Variants in FRMD1 observed in about 807,000 individuals in gnomAD.
The protein encoded by FRMD1 is FERM domain containing 1, also known as FERM domain-containing protein 1.
In FRMD1, 51 loss-of-function variants were observed where a neutral mutation model predicts 54.9. The ratio of observed to expected loss-of-function variants is 0.93; its 90% confidence interval spans 0.74 to 1.17. The LOEUF (loss-of-function observed/expected upper bound fraction) is 1.17. Ranked by LOEUF, FRMD1 falls within the 50% of genes most tolerant of loss-of-function variation. The pLI is 0.00. For synonymous variants in FRMD1, 324 were observed against 306.4 expected, an observed-to-expected ratio of 1.06 and a Z score of -0.60; for missense variants, 729 against 743.0, an observed-to-expected ratio of 0.98 and a Z score of 0.22.
chr6:168,069,603 T>G (rs1800200146), intron 2 of FRMD1, among the ~76,000 whole-genome samples: 1 of 152,212 alleles, frequency 6.6e-6, no homozygotes, highest in African/African-American at 2.4e-5. Flanking sequence ...ATTTGTACAT[T>G]CATTACCTAA....
intron 1 of FRMD1, among the ~76,000 whole-genome samples, chr6:168,090,999 G>A (rs902386): frequency 0.26 from 40,081 of 152,068 alleles, 6,325 homozygotes; most frequent in East Asian, 0.55. Flanking sequence ...CCACCCAAGC[G>A]GACTCCCGGC....
intron 5 of FRMD1, 36 bp from the exon 6 acceptor site, chr6:168,063,792 G>A (rs900399433): frequency 6.4e-7 from 1 of 1,571,534 alleles, no homozygotes; most frequent in African/African-American, 1.4e-5. Context: ...TCAGACCCCT[G>A]CTGGTCCCCC....
chr6:168,060,803 T>G lies in FRMD1; in HGVS notation c.1300A>C (p.Arg434=), dbSNP rs770878650. ...LHEKEPSSSP[R]TSRSHPSTRG... is the part of the protein sequence containing the mutation. Reference sequence around the variant, plus strand: ...GTGCTGGGGTGGCTGCGGCTGGTCCTGGGGCTGGAGGACGGCTCCTTCTCA... The same window carrying G: ...GTGCTGGGGTGGCTGCGGCTGGTCCGGGGGCTGGAGGACGGCTCCTTCTCA... The change falls in exon 9 of 11, where the codon AGG becomes CGG. Residue 434 remains arginine, a synonymous_variant. Transcript: ENST00000283309. 6.2e-7 allele frequency: 1 copy of G among 1,612,954 alleles called. No individual in the cohort carries two copies. Among genetic ancestry groups the G allele is most frequent in the South Asian group, 1.1e-5 (1 of 91,070 alleles).
In FRMD1 at chr6:168,059,084, G is replaced by A; in HGVS notation, c.1407+40C>T. 1 of 1,488,574 alleles carries A rather than the reference G, an allele frequency of 6.7e-7. No homozygotes were observed. Among genetic ancestry groups the A allele is most frequent in the Non-Finnish European group, 9.1e-7 (1 of 1,098,232 alleles). 92.2% of individuals were successfully genotyped at this position (1,488,574 alleles called of 1,614,324 possible). A position where few individuals can be genotyped will look rare whatever the true frequency, so the allele number is the denominator to read the frequency against. On this transcript the variant is annotated intron_variant, in intron 10 of 10. Coordinates refer to ENST00000283309, the MANE Select transcript of FRMD1 (RefSeq NM_024919.6). The surrounding 1 kb of genome is among the most constrained non-coding windows in gnomAD (Gnocchi z 4.4). ...GGGGACCTAGGAGAAGGGGGTGGAGGAGCAGGGCCAGGGCTTCTGGCCCGT... is the reference window on the plus strand; with the variant it reads ...GGGGACCTAGGAGAAGGGGGTGGAGAAGCAGGGCCAGGGCTTCTGGCCCGT...
rs1281417590 is a variant in FRMD1, at chr6:168,059,920, C to T, written c.1343-732G>A. On this transcript the variant is annotated intron_variant, in intron 9 of 10. Coordinates refer to ENST00000283309, the MANE Select transcript of FRMD1 (RefSeq NM_024919.6). This position sits in a 1 kb window ranked among gnomAD's most constrained non-coding sequence, Gnocchi z 4.4. Reference sequence around the variant, plus strand: ...TCTGAATGGCTCTGTCTTCTCACTCCTACTCAACTGAGTATAAAAAGACAT... The same window carrying T: ...TCTGAATGGCTCTGTCTTCTCACTCTTACTCAACTGAGTATAAAAAGACAT... Among the ~76,000 whole-genome samples, 2 of 152,046 alleles carry T rather than the reference C, an allele frequency of 1.3e-5. No individual in the cohort carries two copies. Among genetic ancestry groups the T allele is most frequent in the African/African-American group, 4.8e-5 (2 of 41,378 alleles).
chr6:168,070,512 T>C (rs908717922), intron 2 of FRMD1, among the ~76,000 whole-genome samples: 2 of 152,116 alleles, frequency 1.3e-5, no homozygotes, highest in Non-Finnish European at 2.9e-5. Flanking sequence ...AGGTCCCCTC[T>C]GGAGGAAGGA....
At chr6:168,092,764 C>G in intron 1 of FRMD1, among the ~76,000 whole-genome samples, 1 of 152,234 alleles carries the variant, frequency 6.6e-6, no homozygotes, top group East Asian at 1.9e-4. Context: ...CCTGAAAGGA[C>G]TAAGACACTG....
chr6:168,065,598 A>C lies in FRMD1; in HGVS notation c.462-541T>G, dbSNP rs557356552. ...CCCATAGCACCAGGTAGCTCCATCC[A>C]TCAACCCAACACTTTCCAGACCTCC... is the stretch of plus-strand genomic sequence containing the variant. On this transcript the variant is annotated intron_variant, in intron 4 of 10. Coordinates refer to ENST00000283309, the MANE Select transcript of FRMD1 (RefSeq NM_024919.6). The C allele has an allele frequency of 4.1e-6, 4 of 986,618 alleles. No individual in the cohort carries two copies. The South Asian group carries it at 1.4e-4, about 35-fold the overall frequency. The allele number at this position is 986,618 out of a possible 1,614,324, so 61.1% of individuals were successfully genotyped here. A position where few individuals can be genotyped will look rare whatever the true frequency, so the allele number is the denominator to read the frequency against.
upstream of FRMD1, chr6:168,081,545 T>C: frequency 1.3e-6 from 2 of 1,510,474 alleles, no homozygotes; most frequent in South Asian, 2.5e-5. Context: ...CCATCCTCTA[T>C]CATGAGATAG....
At chr6:168,077,159 C>T (rs1800632294) in intron 1 of FRMD1, among the ~76,000 whole-genome samples, 1 of 152,162 alleles carries the variant, frequency 6.6e-6, no homozygotes, top group Non-Finnish European at 1.5e-5. Flanking sequence ...TCCTCTCCTA[C>T]TGCAGACACA....
chr6:168,078,790 ACCCAGGGCCCTGCTCACCCCCACG>A lies in FRMD1; in HGVS notation c.213+68_213+91del, dbSNP rs1800725149. On this transcript the variant is annotated intron_variant, in intron 1 of 10. Coordinates refer to ENST00000283309, the MANE Select transcript of FRMD1 (RefSeq NM_024919.6). ...CAGGGCCCTGCTCACCCCCACGGCCACCCAGGGCCCTGCTCACCCCCACGGCCACCCGGAGCCCTGCTCACCCCC... is the reference window on the plus strand; with the variant it reads ...CAGGGCCCTGCTCACCCCCACGGCCAGCCACCCGGAGCCCTGCTCACCCCC... 1.3e-4 allele frequency: 11 copies of A among 85,132 alleles called. No homozygotes were observed. The East Asian group carries it at 2.1e-3, about 16-fold the overall frequency. 5.3% of individuals were successfully genotyped at this position (85,132 alleles called of 1,614,324 possible). A position where few individuals can be genotyped will look rare whatever the true frequency, so the allele number is the denominator to read the frequency against.
At chr6:168,066,594 G>A (rs1800037064) in intron 4 of FRMD1, 161 bp downstream of exon 4, 1 of 1,419,324 alleles carries the variant, frequency 7.0e-7, no homozygotes, top group Non-Finnish European at 9.2e-7. Context: ...TAGAATTCCT[G>A]TGTTAACCCC....
At chr6:168,078,072 T>C (rs1800672579) in intron 1 of FRMD1, among the ~76,000 whole-genome samples, 1 of 152,178 alleles carries the variant, frequency 6.6e-6, no homozygotes, top group African/African-American at 2.4e-5. Context: ...CAGGTAGCAA[T>C]GATACATTAG....
chr6:168,061,661 C>T (rs554583415), intron 8 of FRMD1, 146 bp downstream of exon 8: 10 of 874,948 alleles, frequency 1.1e-5, no homozygotes, highest in South Asian at 3.6e-5. Flanking sequence ...CTTCGCCCTT[C>T]GACCTCAGCA....
At chr6:168,087,611 C>A (rs879352251) in intron 1 of FRMD1, among the ~76,000 whole-genome samples, 3 of 152,228 alleles carry the variant, frequency 2.0e-5, no homozygotes, top group East Asian at 1.9e-4. Context: ...CTCTGACCTG[C>A]GTGGACTGGC....
At position 168,057,194 on chromosome 6, in the gene FRMD1, G is replaced by T. The variant is rs778950334; in HGVS notation, c.1553C>A (p.Pro518His). ...HRALDCRLAG[P>H]CETRATLPSK... Reference sequence around the variant, plus strand: ...GGGGAGAGTGGCCCTGGTCTCGCAGGGGCCTGCCAGCCTGCAGTCCAGGGC... The same window carrying T: ...GGGGAGAGTGGCCCTGGTCTCGCAGTGGCCTGCCAGCCTGCAGTCCAGGGC... The change falls in exon 11 of 11, where the codon CCC (proline) becomes CAC (histidine). Residue 518 changes from proline (P) to histidine (H), a missense_variant. Coordinates refer to ENST00000283309, the MANE Select transcript of FRMD1 (RefSeq NM_024919.6). 6.2e-7 allele frequency: 1 copy of T among 1,601,358 alleles called. No individual in the cohort carries two copies. The highest frequency in any genetic ancestry group is 8.5e-7 in the Non-Finnish European group (1 of 1,173,404).
intron 1 of FRMD1, among the ~76,000 whole-genome samples, chr6:168,078,490 C>T (rs1009648724): frequency 6.6e-6 from 1 of 152,060 alleles, no homozygotes; most frequent in African/African-American, 2.4e-5. Flanking sequence ...TTTCCATACA[C>T]AGGCTGTGTC....
In FRMD1 at chr6:168,069,683, A is replaced by G. The variant is rs77779815; in HGVS notation, c.305-2237T>C. The stretch of plus-strand genomic sequence containing the variant: ...AGGAGGACAGAAAATGAACTCCTTA[A>G]GCTTAGTACTTCCTAGGACTTAACC... On this transcript the variant is annotated intron_variant, in intron 2 of 10. Transcript: ENST00000283309. Among the ~76,000 whole-genome samples the G allele has an allele frequency of 7.2e-3, 1,091 of 152,338 alleles. 13 individuals carry two copies. Among genetic ancestry groups the G allele is most frequent in the African/African-American group, 0.025 (1,020 of 41,574 alleles).
chr6:168,075,469 GTC>G (rs1209972431), intron 1 of FRMD1, 134 bp from the exon 2 acceptor site: 35 of 728,898 alleles, frequency 4.8e-5, no homozygotes, highest in Non-Finnish European at 8.4e-5. Context: ...ACAGGTCTGG[GTC>G]TCTCACTCTC....
Sources: gnomAD v4.1 joint callset for allele counts (sites outside exome capture counted in the v4.1 genomes callset) on GRCh38, gnomAD v4.1.1 for gene constraint, Gnocchi (gnomAD v3.1) non-coding constraint, MANE v1.5 for transcripts, NCBI Gene and HGNC (gene_info 2026-07-23, HGNC 2026-07-21) for gene names.